KIF5A: variants seen among roughly 807,000 people sequenced by gnomAD.
KIF5A encodes kinesin heavy chain isoform 5A.
Under a neutral mutation model 141.3 loss-of-function variants are expected in KIF5A, and 35 were observed. That is an observed-to-expected ratio of 0.25 (90% confidence interval 0.19 to 0.33). The LOEUF (loss-of-function observed/expected upper bound fraction) is 0.33, where lower values mean the gene tolerates loss of function less well. KIF5A is among the 10% of genes least tolerant of loss of function. The probability of loss-of-function intolerance (pLI) is 1.00; values close to 1 mark genes in which losing one functional copy is unlikely to be tolerated. For synonymous variants in KIF5A, 448 were observed against 500.2 expected (o/e 0.90, Z 1.39); for missense variants, 861 against 1,314.3 (o/e 0.66, Z 5.33).
At chr12:57,569,843 G>T (rs1435275007) in intron 11 of KIF5A, 144 bp from the exon 12 acceptor site, 2 of 1,354,650 alleles carry the variant, frequency 1.5e-6, no homozygotes, top group African/African-American at 2.9e-5. Flanking sequence ...GAAGGGAGGG[G>T]CCTGACTACC....
At chr12:57,574,955 G>T (rs11172254) in intron 15 of KIF5A, 129 bp from the exon 16 acceptor site, 1 of 800,972 alleles carries the variant, frequency 1.2e-6, no homozygotes, top group East Asian at 2.6e-5. Flanking sequence ...GCTAAAGGTC[G>T]TTTGGAAAAT....
rs541766738 is a variant in KIF5A, at chr12:57,577,338, T to C, written c.2301-375T>C. Among the ~76,000 whole-genome samples, 7 of 152,340 alleles carry C rather than the reference T, an allele frequency of 4.6e-5. No homozygotes were observed. The South Asian group carries it at 1.4e-3, about 32-fold the overall frequency. ...GGCTGGGTGCGATGGCTTACACCTA[T>C]AATCTCAGCACTTTGGGAGGCCAAA... On this transcript the variant is annotated intron_variant, in intron 20 of 28. Transcript: ENST00000455537.
Position 57,572,582 on chromosome 12 carries a change from C to CACCATGCT in KIF5A, c.1573_1580dup (p.Ser528ProfsTer27). The CACCATGCT allele has an allele frequency of 6.2e-7, 1 of 1,614,246 alleles. No individual in the cohort carries two copies. The highest frequency in any genetic ancestry group is 8.5e-7 in the Non-Finnish European group (1 of 1,180,048). ...ATGACCTGAGGGGCTGTCCCCAGGC[C>CACCATGCT]ACCATGCTGTCCCTGGAGTCTGAGT... is the stretch of plus-strand genomic sequence containing the variant. On this transcript the variant is annotated frameshift_variant, in exon 15 of 29. Coordinates refer to ENST00000455537, the MANE Select transcript of KIF5A (RefSeq NM_004984.4). LOFTEE classifies it high-confidence loss of function. The surrounding 1 kb of genome is among the most constrained non-coding windows in gnomAD (Gnocchi z 4.2).
At chr12:57,563,222 G>C (rs562976111) in intron 1 of KIF5A, among the ~76,000 whole-genome samples, 2 of 152,028 alleles carry the variant, frequency 1.3e-5, no homozygotes, top group East Asian at 1.9e-4. Context: ...GGTCAGGCTG[G>C]TCTTGAACTC....
intron 18 of KIF5A, 59 bp downstream of exon 18, chr12:57,576,210 C>T: frequency 1.2e-6 from 2 of 1,608,678 alleles, no homozygotes; most frequent in Non-Finnish European, 1.7e-6. Flanking sequence ...CTGTGCTGGC[C>T]CTCACAGAGC....
At chr12:57,555,801 C>T (rs1383436274) in intron 1 of KIF5A, among the ~76,000 whole-genome samples, 4 of 147,884 alleles carry the variant, frequency 2.7e-5, no homozygotes, top group East Asian at 2.0e-4. Context: ...CCCAGCTACT[C>T]GGAAGGCTGA....
chr12:57,561,066 G>A (rs1565694967), intron 1 of KIF5A, among the ~76,000 whole-genome samples: 1 of 152,028 alleles, frequency 6.6e-6, no homozygotes, highest in Non-Finnish European at 1.5e-5. Flanking sequence ...TTGATACAGG[G>A]TCTCTCTCTG....
intron 6 of KIF5A, among the ~76,000 whole-genome samples, chr12:57,566,666 T>C (rs1450024144): frequency 2.0e-5 from 3 of 151,580 alleles, no homozygotes; most frequent in African/African-American, 7.3e-5. Flanking sequence ...CACATTGGCC[T>C]CCCAAACCAA....
intron 23 of KIF5A, among the ~76,000 whole-genome samples, chr12:57,580,233 C>A (rs997903602): frequency 5.3e-5 from 8 of 152,152 alleles, no homozygotes; most frequent in African/African-American, 1.7e-4. Context: ...TTGTGTGGAA[C>A]CTGTAAAAAG....
chr12:57,569,349 T>A lies in KIF5A; in HGVS notation c.913T>A (p.Ser305Thr). Residue 305 changes from serine (S) to threonine (T), a missense_variant, in exon 10 of 29, where the codon TCA (serine) becomes ACA (threonine). Transcript: ENST00000455537. ...NCRTTMFICC[S>T]PSSYNDAETK... ...CCGGACGACTATGTTCATCTGTTGC[T>A]CACCATCCAGTTATAATGATGCAGA... The A allele has an allele frequency of 6.2e-7, 1 of 1,614,086 alleles. No homozygotes were observed. Among genetic ancestry groups the A allele is most frequent in the East Asian group, 2.2e-5 (1 of 44,878 alleles).
Position 57,576,067 on chromosome 12 carries a change from T to C in KIF5A, c.2024-20T>C, listed in dbSNP as rs765474995. ...AAAGAGGTAGGTTTGATGTCAGCTG[T>C]CTTCCCCTCTTTCCCTTAGAAACTG... On this transcript the variant is annotated intron_variant, in intron 17 of 28. Coordinates refer to ENST00000455537, the MANE Select transcript of KIF5A (RefSeq NM_004984.4). 2 of 1,613,060 alleles carry C rather than the reference T, an allele frequency of 1.2e-6. No individual in the cohort carries two copies.
chr12:57,581,286 T>C, intron 24 of KIF5A, 114 bp downstream of exon 24: 2 of 1,509,942 alleles, frequency 1.3e-6, no homozygotes, highest in South Asian at 2.3e-5. Flanking sequence ...CTCATCCCAC[T>C]TCCCCCCAAA....
chr12:57,563,617 C>T lies in KIF5A; in HGVS notation c.218-3C>T, dbSNP rs1259457260. ...AGTACTCTTTCTCTACTGTCTCTTC[C>T]AGATGTCCTTGCTGGCTACAATGGC... On this transcript the variant is annotated splice_polypyrimidine_tract_variant and splice_region_variant and intron_variant, in intron 2 of 28. Coordinates refer to ENST00000455537, the MANE Select transcript of KIF5A (RefSeq NM_004984.4). The T allele has an allele frequency of 6.2e-7, 1 of 1,613,946 alleles. No individual in the cohort carries two copies. The highest frequency in any genetic ancestry group is 8.5e-7 in the Non-Finnish European group (1 of 1,179,938).
Position 57,575,730 on chromosome 12 carries a change from G to A in KIF5A, c.1996G>A (p.Asp666Asn), listed in dbSNP as rs1398974670. 9.3e-6 allele frequency: 15 copies of A among 1,613,892 alleles called. No homozygotes were observed. In the African/African-American group the frequency reaches 1.1e-4, roughly 11 times the overall value. The change falls in exon 17 of 29, where the codon GAT becomes AAT. Residue 666 changes from aspartate (D) to asparagine (N), a missense_variant. Coordinates refer to ENST00000455537, the MANE Select transcript of KIF5A (RefSeq NM_004984.4). ...HLEESYDSLS[D>N]ELAKLQAQET... The stretch of plus-strand genomic sequence containing the variant: ...GGAAGAGTCCTATGACTCCTTGAGC[G>A]ATGAGCTGGCCAAGCTCCAGGCCCA...
intron 8 of KIF5A, 41 bp downstream of exon 8, chr12:57,567,659 C>CTA: frequency 6.6e-7 from 1 of 1,509,626 alleles, no homozygotes; most frequent in Non-Finnish European, 8.8e-7. Flanking sequence ...GAAGCCTTGG[C>CTA]TCTTTTTTTT....
At chr12:57,577,815 G>A (rs1316536528) in intron 21 of KIF5A, 42 bp downstream of exon 21, 1 of 1,518,156 alleles carries the variant, frequency 6.6e-7, no homozygotes, top group African/African-American at 1.4e-5. Context: ...GGACTGGGGA[G>A]TGGGGAGGCT....
intron 11 of KIF5A, 27 bp downstream of exon 11, chr12:57,569,710 G>C (rs369368256): frequency 2.5e-6 from 4 of 1,611,458 alleles, no homozygotes; most frequent in Non-Finnish European, 3.4e-6. Context: ...TGGGAGTGAG[G>C]GGCAGTGGGA....
At chr12:57,566,265 C>T (rs1275452790) in intron 6 of KIF5A, among the ~76,000 whole-genome samples, 1 of 151,042 alleles carries the variant, frequency 6.6e-6, no homozygotes. Flanking sequence ...CCACCAGGCC[C>T]ACTTATTTTT....
Position 57,550,212 on chromosome 12 carries a change from C to T in KIF5A, c.-60C>T. On this transcript the variant is annotated 5_prime_UTR_variant, in exon 1 of 29. Transcript: ENST00000455537. The surrounding 1 kb of genome is among the most constrained non-coding windows in gnomAD (Gnocchi z 4.6). ...CGGCCTCTGCTGAGAGCCCTCTCCT[C>T]TGGAGCACACACCACCCCTGCAGCC... 2 of 1,611,024 alleles carry T rather than the reference C, an allele frequency of 1.2e-6. No homozygotes were observed. Among genetic ancestry groups the T allele is most frequent in the Non-Finnish European group, 1.7e-6 (2 of 1,179,098 alleles).
Sources: gnomAD v4.1 joint callset for allele counts (sites outside exome capture counted in the v4.1 genomes callset) on GRCh38, gnomAD v4.1.1 for gene constraint, Gnocchi (gnomAD v3.1) non-coding constraint, MANE v1.5 for transcripts, NCBI Gene and HGNC (gene_info 2026-07-23, HGNC 2026-07-21) for gene names.